Variants in ANKIB1 observed in about 807,000 individuals in gnomAD.
The protein encoded by ANKIB1 is ankyrin repeat and IBR domain containing 1.
Under a neutral mutation model 122.1 loss-of-function variants are expected in ANKIB1, and 43 were observed. The ratio of observed to expected loss-of-function variants is 0.35; its 90% CI spans 0.28 to 0.45. The LOEUF (loss-of-function observed/expected upper bound fraction) is 0.45, where lower values mean the gene tolerates loss of function less well. Ranked by LOEUF, ANKIB1 falls within the 20% of genes least tolerant of loss-of-function variation. ANKIB1 has a pLI of 1.00. For synonymous variants in ANKIB1, 390 were observed against 442.0 expected (o/e 0.88, Z 1.48); for missense variants, 992 against 1,329.5 (o/e 0.75, Z 3.95).
At chr7:92,302,464 A>G (rs1294044514) in intron 2 of ANKIB1, among the ~76,000 whole-genome samples, 1 of 152,122 alleles carries the variant, frequency 6.6e-6, no homozygotes, top group East Asian at 1.9e-4. Flanking sequence ...CCCACATGCT[A>G]TGTGGTTATA....
intron 2 of ANKIB1, among the ~76,000 whole-genome samples, chr7:92,298,174 C>T (rs1802393437): frequency 6.6e-6 from 1 of 151,910 alleles, no homozygotes. Flanking sequence ...TGCTAGACAC[C>T]TAGTTTGTTC....
intron 4 of ANKIB1, among the ~76,000 whole-genome samples, chr7:92,323,536 T>C (rs1179446171): frequency 6.6e-6 from 1 of 152,180 alleles, no homozygotes; most frequent in Non-Finnish European, 1.5e-5. Context: ...TCCCTGTATT[T>C]TTCTAGTTTT....
intron 19 of ANKIB1, among the ~76,000 whole-genome samples, 174 bp downstream of exon 19, chr7:92,398,033 GT>G (rs1014251311): frequency 2.2e-4 from 33 of 148,358 alleles, no homozygotes; most frequent in East Asian, 1.6e-3. Flanking sequence ...TTTAAGGTAT[GT>G]TTTTTTTTTC....
intron 1 of ANKIB1, among the ~76,000 whole-genome samples, chr7:92,248,308 C>T (rs1230870496): frequency 6.6e-6 from 1 of 152,026 alleles, no homozygotes. Context: ...TAAACAAGGG[C>T]TCTAACAGGT....
chr7:92,381,144 A>G (rs1804503325), intron 11 of ANKIB1, among the ~76,000 whole-genome samples: 1 of 152,232 alleles, frequency 6.6e-6, no homozygotes, highest in Non-Finnish European at 1.5e-5. Context: ...GGTATCAGTG[A>G]TTGAAGATCA....
rs774308207 is a variant in ANKIB1, at chr7:92,386,591, G to A, written c.1700G>A (p.Arg567His). Residue 567 changes from arginine to histidine, a missense_variant, in exon 12 of 20, where the codon CGC becomes CAC. Arg to His is a conservative substitution (Grantham distance 29). Transcript: ENST00000265742. ...SSTGGYYRCT[R>H]YEVIQHVEEQ... ...ACTGGAGGTTATTACAGATGTACTC[G>A]CTATGAAGTCATTCAACACGTGGAG... is the stretch of plus-strand genomic sequence containing the variant. 2 of 1,604,664 alleles carry A rather than the reference G, an allele frequency of 1.2e-6. No homozygotes were observed. The highest frequency in any genetic ancestry group is 8.5e-7 in the Non-Finnish European group (1 of 1,175,776).
chr7:92,371,569 C>G lies in ANKIB1; in HGVS notation c.1579C>G (p.Gln527Glu). The change falls in exon 11 of 20, where the codon CAG (glutamine) becomes GAG (glutamate). Residue 527 changes from glutamine (Q) to glutamate (E), a missense_variant. This residue lies in a region of ANKIB1 where 521 missense variants were observed against 777.7 expected (regional missense o/e 0.67). Coordinates refer to ENST00000265742, the MANE Select transcript of ANKIB1 (RefSeq NM_019004.2). Reference protein sequence around the residue: ...KPCANCKSPIQKNEGCNHMQC... With the variant: ...KPCANCKSPIEKNEGCNHMQC... ...TTGTGCCAACTGTAAGTCTCCAATA[C>G]AGAAGAATGAAGGCTGCAATCACAT... The G allele has an allele frequency of 6.2e-7, 1 of 1,605,476 alleles. No individual in the cohort carries two copies. The highest frequency in any genetic ancestry group is 8.5e-7 in the Non-Finnish European group (1 of 1,175,646).
At chr7:92,264,169 T>TG (rs1405096733) in intron 1 of ANKIB1, among the ~76,000 whole-genome samples, 13 of 151,830 alleles carry the variant, frequency 8.6e-5, no homozygotes, top group Non-Finnish European at 1.9e-4. Context: ...TCGTTTTTTT[T>TG]TTTGTTTGTT....
At chr7:92,269,966 C>T (rs1801751576) in intron 1 of ANKIB1, among the ~76,000 whole-genome samples, 1 of 151,800 alleles carries the variant, frequency 6.6e-6, no homozygotes. Flanking sequence ...CCCCACCGAC[C>T]CCCTGACAGG....
At chr7:92,248,534 A>C (rs1475499866) in intron 1 of ANKIB1, among the ~76,000 whole-genome samples, 1 of 152,210 alleles carries the variant, frequency 6.6e-6, no homozygotes, top group Non-Finnish European at 1.5e-5. Flanking sequence ...ACTATGAATT[A>C]AGTTAATCTG....
At chr7:92,338,968 A>G (rs1254302291) in intron 5 of ANKIB1, among the ~76,000 whole-genome samples, 4 of 93,132 alleles carry the variant, frequency 4.3e-5, no homozygotes, top group Admixed American at 4.3e-4. Flanking sequence ...ATATATATAT[A>G]TATTTATATG....
intron 3 of ANKIB1, among the ~76,000 whole-genome samples, chr7:92,316,587 T>TCATTG (rs1585103862): frequency 1.3e-5 from 2 of 152,274 alleles, no homozygotes; most frequent in East Asian, 3.9e-4. Flanking sequence ...GAGATACAGG[T>TCATTG]CTTTATGGTT....
chr7:92,251,882 C>G (rs1801337378), intron 1 of ANKIB1, among the ~76,000 whole-genome samples: 1 of 152,222 alleles, frequency 6.6e-6, no homozygotes, highest in Admixed American at 6.5e-5. Context: ...TCTTCTGGCG[C>G]AGGATCCTAT....
At chr7:92,324,415 G>T (rs1036340057) in intron 4 of ANKIB1, among the ~76,000 whole-genome samples, 1 of 152,062 alleles carries the variant, frequency 6.6e-6, no homozygotes, top group African/African-American at 2.4e-5. Flanking sequence ...TGTATTTTTA[G>T]TAGAGACAGG....
chr7:92,388,247 T>C (rs1397166682), intron 14 of ANKIB1, among the ~76,000 whole-genome samples: 2 of 152,222 alleles, frequency 1.3e-5, no homozygotes, highest in Non-Finnish European at 2.9e-5. Context: ...CCTCCTCCTC[T>C]TGATGCAGCC....
chr7:92,337,116 T>G (rs1803306965), intron 5 of ANKIB1, among the ~76,000 whole-genome samples: 1 of 152,238 alleles, frequency 6.6e-6, no homozygotes, highest in South Asian at 2.1e-4. Flanking sequence ...GTGATGCTTA[T>G]TATTTTCTTG....
At chr7:92,304,570 T>C (rs910207766) in intron 2 of ANKIB1, among the ~76,000 whole-genome samples, 7 of 152,126 alleles carry the variant, frequency 4.6e-5, no homozygotes, top group African/African-American at 1.7e-4. Context: ...ATATTGGAAA[T>C]GGGTATAAGA....
chr7:92,383,512 T>TC (rs1422017044), intron 11 of ANKIB1, among the ~76,000 whole-genome samples: 10 of 152,074 alleles, frequency 6.6e-5, no homozygotes, highest in Non-Finnish European at 1.5e-4. Context: ...GCAAACCAAA[T>TC]CCAGCAGCAC....
intron 5 of ANKIB1, among the ~76,000 whole-genome samples, chr7:92,336,986 C>T (rs1803304369): frequency 2.0e-5 from 3 of 152,100 alleles, no homozygotes; most frequent in Admixed American, 2.0e-4. Context: ...TTATGGTTTT[C>T]TTAAGATTAC....
Sources: gnomAD v4.1 joint callset for allele counts (sites outside exome capture counted in the v4.1 genomes callset) on GRCh38, gnomAD v4.1.1 for gene constraint, gnomAD v4.1.1 regional missense constraint, MANE v1.5 for transcripts, NCBI Gene and HGNC (gene_info 2026-07-23, HGNC 2026-07-21) for gene names.